Variants in SHC3 observed in about 807,000 individuals in gnomAD.
SHC3 encodes SHC adaptor protein 3, also known as SHC-transforming protein 3.
A neutral mutation model predicts 60.4 loss-of-function variants in SHC3; 15 were observed. The ratio of observed to expected loss-of-function variants is 0.25; its 90% CI spans 0.17 to 0.38. SHC3 has a LOEUF of 0.38. SHC3 is among the 10% of genes least tolerant of loss of function. The pLI is 1.00. For synonymous variants in SHC3, 294 were observed against 325.9 expected, an observed-to-expected ratio of 0.90 and a Z score of 1.05; for missense variants, 677 against 786.1, an observed-to-expected ratio of 0.86 and a Z score of 1.66.
chr9:89,125,335 T>A (rs150713610), intron 1 of SHC3, among the ~76,000 whole-genome samples: 102 of 152,284 alleles, frequency 6.7e-4, no homozygotes, highest in African/African-American at 2.4e-3. Context: ...TCTTGGTTCT[T>A]TAATTGTTTA....
At chr9:89,141,980 C>A (rs1243389517) in intron 1 of SHC3, among the ~76,000 whole-genome samples, 1 of 152,164 alleles carries the variant, frequency 6.6e-6, no homozygotes, top group South Asian at 2.1e-4. Flanking sequence ...TCTTTTCCAG[C>A]AGTTCCATCA....
At chr9:89,093,306 C>A (rs944287046) in intron 2 of SHC3, among the ~76,000 whole-genome samples, 6 of 152,072 alleles carry the variant, frequency 3.9e-5, no homozygotes, top group African/African-American at 1.4e-4. Flanking sequence ...ACAGGAAATT[C>A]TAGAAAAGGC....
chr9:89,047,168 T>C (rs569333629), intron 7 of SHC3, among the ~76,000 whole-genome samples, 174 bp from the exon 8 acceptor site: 1 of 152,386 alleles, frequency 6.6e-6, no homozygotes, highest in East Asian at 1.9e-4. Context: ...AAAATATCTC[T>C]GCCATATTCA....
chr9:89,028,912 A>G (rs1824422548), intron 11 of SHC3, among the ~76,000 whole-genome samples: 6 of 147,802 alleles, frequency 4.1e-5, no homozygotes. Context: ...ATCTATATCT[A>G]TTAATATAAG....
intron 1 of SHC3, among the ~76,000 whole-genome samples, chr9:89,140,923 C>T (rs553689029): frequency 6.6e-6 from 1 of 152,042 alleles, no homozygotes; most frequent in African/African-American, 2.4e-5. Flanking sequence ...AAAGATAAAG[C>T]CCTTTTAAAT....
At chr9:89,102,339 G>A (rs529470557) in intron 2 of SHC3, among the ~76,000 whole-genome samples, 2 of 152,012 alleles carry the variant, frequency 1.3e-5, no homozygotes, top group Non-Finnish European at 2.9e-5. Context: ...CTCTTCAAAT[G>A]ACTTAATGGA....
At chr9:89,108,091 G>A (rs11137515) in intron 2 of SHC3, among the ~76,000 whole-genome samples, 10,094 of 152,242 alleles carry the variant, frequency 0.066, 466 homozygotes, top group Middle Eastern at 0.12. Context: ...CACATGCAGT[G>A]CAGGTTTGTA....
chr9:89,088,920 C>G (rs1825575678), intron 2 of SHC3: 1 of 152,424 alleles, frequency 6.6e-6, no homozygotes, highest in Admixed American at 6.5e-5. Context: ...AGGAACCATT[C>G]TGGGTGAGAC....
intron 1 of SHC3, among the ~76,000 whole-genome samples, chr9:89,149,570 C>T (rs938898536): frequency 6.6e-6 from 1 of 152,138 alleles, no homozygotes; most frequent in Non-Finnish European, 1.5e-5. Flanking sequence ...CTGCTACCTA[C>T]CTTTAGATCC....
chr9:89,141,546 C>T (rs1826393715), intron 1 of SHC3, among the ~76,000 whole-genome samples: 1 of 152,224 alleles, frequency 6.6e-6, no homozygotes, highest in African/African-American at 2.4e-5. Flanking sequence ...TGCCAGGCTT[C>T]TGGGTTCCCT....
chr9:89,092,309 G>A (rs1825633668), intron 2 of SHC3, among the ~76,000 whole-genome samples: 1 of 152,164 alleles, frequency 6.6e-6, no homozygotes. Flanking sequence ...ACAGCCATAT[G>A]ATTTGCAACT....
At chr9:89,057,088 T>C (rs1346393185) in intron 6 of SHC3, among the ~76,000 whole-genome samples, 1 of 152,220 alleles carries the variant, frequency 6.6e-6, no homozygotes, top group African/African-American at 2.4e-5. Flanking sequence ...ATGGGGAACC[T>C]TGGAGATATT....
At chr9:89,059,568 CGTGGTGG>C in intron 6 of SHC3, among the ~76,000 whole-genome samples, 1 of 132,956 alleles carries the variant, frequency 7.5e-6, no homozygotes, top group South Asian at 2.5e-4. Flanking sequence ...TGGTGGAGGA[CGTGGTGG>C]AGGATGTGGT....
chr9:89,155,766 G>A (rs545022404), intron 1 of SHC3, among the ~76,000 whole-genome samples: 1 of 152,250 alleles, frequency 6.6e-6, no homozygotes, highest in East Asian at 1.9e-4. Context: ...ATCCCTGATT[G>A]TCAACCCAGC....
intron 1 of SHC3, among the ~76,000 whole-genome samples, chr9:89,141,208 A>C (rs1033009472): frequency 1.3e-5 from 2 of 152,236 alleles, no homozygotes; most frequent in African/African-American, 4.8e-5. Context: ...GGCAGAGACC[A>C]AGAGAAAGTA....
chr9:89,097,096 T>G (rs1825714106), intron 2 of SHC3, among the ~76,000 whole-genome samples: 1 of 103,628 alleles, frequency 9.6e-6, no homozygotes, highest in African/African-American at 4.1e-5. Flanking sequence ...CAGAAGGTGC[T>G]CGCTCTCATG....
chr9:89,073,559 C>A (rs372495837), intron 4 of SHC3, among the ~76,000 whole-genome samples: 5 of 152,136 alleles, frequency 3.3e-5, no homozygotes, highest in African/African-American at 7.2e-5. Context: ...CCCCACCCAA[C>A]CTTCACACAC....
chr9:89,167,125 G>A (rs1826801004), intron 1 of SHC3, among the ~76,000 whole-genome samples: 1 of 152,260 alleles, frequency 6.6e-6, no homozygotes, highest in Non-Finnish European at 1.5e-5. Context: ...GCAGGAGGGA[G>A]GGAGGGAGGG....
intron 1 of SHC3, among the ~76,000 whole-genome samples, chr9:89,145,165 T>C (rs1826450913): frequency 6.6e-6 from 1 of 152,216 alleles, no homozygotes. Flanking sequence ...AGTGGCATGT[T>C]GGTGGACCAA....
Sources: allele counts gnomAD v4.1 joint callset (sites outside exome capture counted in the v4.1 genomes callset), GRCh38; gene constraint gnomAD v4.1.1; transcripts MANE v1.5; gene names NCBI Gene and HGNC (gene_info 2026-07-23, HGNC 2026-07-21).